Variants in MTRF1 observed in about 807,000 individuals in gnomAD.
The protein encoded by MTRF1 is mitochondrial translation release factor 1.
In MTRF1, 51 loss-of-function variants were observed where a neutral mutation model predicts 62.9. That is an observed-to-expected ratio of 0.81 (90% CI 0.65 to 1.02). MTRF1 has a LOEUF of 1.02. Ranked by LOEUF, MTRF1 falls within the 50% of genes least tolerant of loss-of-function variation. The pLI is 0.00. For synonymous variants in MTRF1, 158 were observed against 181.9 expected (o/e 0.87, Z 1.06); for missense variants, 446 against 530.0 (o/e 0.84, Z 1.56).
At chr13:41,226,643 G>A in intron 7 of MTRF1, 75 bp from the exon 8 acceptor site, 1 of 1,506,704 alleles carries the variant, frequency 6.6e-7, no homozygotes, top group Non-Finnish European at 9.1e-7. Context: ...ACAGTTAAAT[G>A]AGACAGGTTA....
At chr13:41,252,895 G>A (rs2139104926) in intron 4 of MTRF1, 54 bp downstream of exon 4, 1 of 1,419,208 alleles carries the variant, frequency 7.0e-7, no homozygotes, top group Non-Finnish European at 9.8e-7. Context: ...TATCAAATAA[G>A]GTAAAATTCA....
chr13:41,297,328 CTA>C, the MTRF1 span, among the ~76,000 whole-genome samples: 1 of 152,196 alleles, frequency 6.6e-6, no homozygotes, highest in African/African-American at 2.4e-5. Flanking sequence ...CACCATAGTT[CTA>C]TCTTTTGGTG....
At chr13:41,266,482 C>T (rs765884529), upstream of MTRF1, among the ~76,000 whole-genome samples, 8 of 151,882 alleles carry the variant, frequency 5.3e-5, no homozygotes, top group Non-Finnish European at 1.2e-4. Flanking sequence ...CACAGTGGCA[C>T]GCACCTGTAA....
the MTRF1 span, among the ~76,000 whole-genome samples, chr13:41,309,800 C>T: frequency 6.6e-6 from 1 of 152,050 alleles, no homozygotes; most frequent in Non-Finnish European, 1.5e-5. Flanking sequence ...AGTTTGAGAC[C>T]AGCCTGACCA....
upstream of MTRF1, among the ~76,000 whole-genome samples, chr13:41,266,844 A>C (rs2040844962): frequency 6.6e-6 from 1 of 151,372 alleles, no homozygotes; most frequent in African/African-American, 2.4e-5. Context: ...AATACAAAAA[A>C]ATTAGCCGGG....
chr13:41,301,522 CG>C, the MTRF1 span, among the ~76,000 whole-genome samples: 1 of 152,006 alleles, frequency 6.6e-6, no homozygotes, highest in Non-Finnish European at 1.5e-5. Context: ...CTGAGGTGGA[CG>C]GATCACCTGA....
At chr13:41,270,557 C>G in the MTRF1 span, among the ~76,000 whole-genome samples, 2 of 152,064 alleles carry the variant, frequency 1.3e-5, no homozygotes, top group African/African-American at 4.8e-5. Context: ...CAGTTGTTAG[C>G]TAAATAGCTT....
intron 8 of MTRF1, among the ~76,000 whole-genome samples, chr13:41,226,088 G>C (rs2034378838): frequency 6.6e-6 from 1 of 152,046 alleles, no homozygotes; most frequent in Admixed American, 6.6e-5. Flanking sequence ...TACAAGCATA[G>C]GTTTTAATTT....
At chr13:41,225,484 T>C (rs2034234694) in intron 8 of MTRF1, among the ~76,000 whole-genome samples, 1 of 152,222 alleles carries the variant, frequency 6.6e-6, no homozygotes, top group Non-Finnish European at 1.5e-5. Flanking sequence ...GTGTTAATAT[T>C]ATTTATCCTG....
At chr13:41,293,348 G>T in the MTRF1 span, among the ~76,000 whole-genome samples, 1 of 152,110 alleles carries the variant, frequency 6.6e-6, no homozygotes, top group Non-Finnish European at 1.5e-5. Context: ...TAAATAAGAT[G>T]ATTTTAAAAT....
intron 8 of MTRF1, 128 bp from the exon 9 acceptor site, chr13:41,223,482 C>A: frequency 5.7e-6 from 4 of 699,620 alleles, no homozygotes; most frequent in Admixed American, 5.2e-5. Context: ...TACAAAATGA[C>A]AAAGAAAAAG....
At chr13:41,233,846 G>A (rs371348169) in intron 7 of MTRF1, 44 bp downstream of exon 7, 114 of 1,449,444 alleles carry the variant, frequency 7.9e-5, no homozygotes, top group Non-Finnish European at 1.0e-4. Flanking sequence ...TGCTGAGTAA[G>A]ATGGAAAAAG....
At chr13:41,300,312 A>G in the MTRF1 span, among the ~76,000 whole-genome samples, 1 of 152,060 alleles carries the variant, frequency 6.6e-6, no homozygotes, top group Non-Finnish European at 1.5e-5. Flanking sequence ...AGAGGCTGGG[A>G]GCCGTGGCTC....
the MTRF1 span, among the ~76,000 whole-genome samples, chr13:41,294,128 G>A: frequency 6.6e-6 from 1 of 151,916 alleles, no homozygotes; most frequent in Non-Finnish European, 1.5e-5. Flanking sequence ...TTATAAGAAA[G>A]TCACAAAGTG....
the MTRF1 span, among the ~76,000 whole-genome samples, chr13:41,273,832 C>A: frequency 6.6e-6 from 1 of 152,024 alleles, no homozygotes; most frequent in Non-Finnish European, 1.5e-5. Flanking sequence ...AGTGAAACTC[C>A]GTCTCAACAA....
chr13:41,294,589 A>T, the MTRF1 span, among the ~76,000 whole-genome samples: 1 of 152,238 alleles, frequency 6.6e-6, no homozygotes, highest in Non-Finnish European at 1.5e-5. Context: ...TAGATATGAA[A>T]ACGTATTTTT....
chr13:41,293,088 AT>A, the MTRF1 span, among the ~76,000 whole-genome samples: 1 of 152,218 alleles, frequency 6.6e-6, no homozygotes, highest in South Asian at 2.1e-4. Flanking sequence ...ATTGTCTTTT[AT>A]GAACCAGTGA....
chr13:41,258,437 A>C (rs1179757095), intron 2 of MTRF1, among the ~76,000 whole-genome samples: 1 of 152,116 alleles, frequency 6.6e-6, no homozygotes, highest in Non-Finnish European at 1.5e-5. Context: ...ATGTAGAGGC[A>C]ATAGCAGTAT....
chr13:41,288,417 C>G, the MTRF1 span: 129,847 of 173,984 alleles, frequency 0.75, 50,627 homozygotes, highest in South Asian at 0.91. Context: ...CTGCAGGTGG[C>G]AGGGGATGGG....
Sources: allele counts gnomAD v4.1 joint callset (sites outside exome capture counted in the v4.1 genomes callset), GRCh38; gene constraint gnomAD v4.1.1; transcripts MANE v1.5; gene names NCBI Gene and HGNC (gene_info 2026-07-23, HGNC 2026-07-21).